Variants in ARHGAP32 observed in about 807,000 individuals in gnomAD.
ARHGAP32 encodes the protein Rho GTPase activating protein 32.
ARHGAP32 carries 51 observed loss-of-function variants against 186.5 expected under a neutral mutation model. That is an observed-to-expected ratio of 0.27 (90% confidence interval 0.22 to 0.35). ARHGAP32 has a LOEUF of 0.35. Ranked by LOEUF, ARHGAP32 falls within the 10% of genes least tolerant of loss-of-function variation. ARHGAP32 has a pLI of 1.00. For missense variants in ARHGAP32, 2,186 were observed against 2,623.5 expected (o/e 0.83, Z 3.64); for synonymous variants, 950 against 964.3 (o/e 0.99, Z 0.27).
upstream of ARHGAP32, among the ~76,000 whole-genome samples, chr11:129,194,168 C>CTG (rs1274741057): frequency 6.6e-6 from 1 of 152,086 alleles, no homozygotes; most frequent in Non-Finnish European, 1.5e-5. Flanking sequence ...CTGGTACAAC[C>CTG]TGTGTTCAGG....
chr11:129,055,640 A>G (rs919257233), intron 10 of ARHGAP32, among the ~76,000 whole-genome samples: 1 of 152,214 alleles, frequency 6.6e-6, no homozygotes, highest in South Asian at 2.1e-4. Context: ...ACACAGAGGA[A>G]CCTTAAATGC....
At chr11:129,224,044 G>A (rs1291896843) in intron 1 of ARHGAP32, among the ~76,000 whole-genome samples, 1 of 152,116 alleles carries the variant, frequency 6.6e-6, no homozygotes, top group African/African-American at 2.4e-5. Context: ...TGGTGATGAC[G>A]AAATAATGAA....
At chr11:129,134,033 A>C (rs1942880500) in intron 2 of ARHGAP32, among the ~76,000 whole-genome samples, 1 of 152,174 alleles carries the variant, frequency 6.6e-6, no homozygotes, top group Non-Finnish European at 1.5e-5. Flanking sequence ...TACTTGAAGT[A>C]TAAAATAATA....
intron 1 of ARHGAP32, among the ~76,000 whole-genome samples, chr11:129,225,340 C>T (rs755327423): frequency 9.9e-5 from 15 of 151,986 alleles, no homozygotes; most frequent in East Asian, 5.8e-4. Flanking sequence ...CAAAGAAGTC[C>T]GGACAAGACT....
upstream of ARHGAP32, among the ~76,000 whole-genome samples, chr11:129,194,674 C>T (rs1322806035): frequency 1.3e-5 from 2 of 151,504 alleles, no homozygotes; most frequent in African/African-American, 2.4e-5. Context: ...CGCTTGAACC[C>T]GGGAGGTGGA....
intron 6 of ARHGAP32, among the ~76,000 whole-genome samples, chr11:129,077,344 G>T (rs1348399803): frequency 6.6e-6 from 1 of 152,194 alleles, no homozygotes; most frequent in Non-Finnish European, 1.5e-5. Context: ...GGTAGATGGG[G>T]AGGGGTGAAG....
intron 6 of ARHGAP32, among the ~76,000 whole-genome samples, chr11:129,075,111 A>C (rs540901859): frequency 6.6e-6 from 1 of 152,198 alleles, no homozygotes; most frequent in Non-Finnish European, 1.5e-5. Context: ...GGAACGAAGA[A>C]CAAGGGCAAT....
chr11:129,071,858 G>A (rs1008278151), intron 6 of ARHGAP32, among the ~76,000 whole-genome samples: 6 of 152,054 alleles, frequency 3.9e-5, no homozygotes, highest in East Asian at 1.9e-4. Context: ...TGTGGTATAC[G>A]TACACAATGG....
At chr11:128,989,924 T>C (rs1591506983) in intron 12 of ARHGAP32, among the ~76,000 whole-genome samples, 1 of 152,152 alleles carries the variant, frequency 6.6e-6, no homozygotes, top group South Asian at 2.1e-4. Context: ...TATTCCATGG[T>C]ATATATGTGC....
intron 1 of ARHGAP32, among the ~76,000 whole-genome samples, chr11:129,247,296 T>C (rs574450727): frequency 2.4e-4 from 36 of 152,338 alleles, no homozygotes; most frequent in African/African-American, 8.2e-4. Context: ...AAGCTGGATA[T>C]GAGGCAAGTT....
intron 2 of ARHGAP32, among the ~76,000 whole-genome samples, chr11:129,154,002 C>T (rs2511820): frequency 1 from 151,706 of 152,144 alleles, 75,636 homozygotes; most frequent in Middle Eastern, 1. Context: ...AGAGCTAATA[C>T]CCAGAATTCA....
intron 10 of ARHGAP32, among the ~76,000 whole-genome samples, chr11:129,053,295 T>C (rs1379985792): frequency 6.6e-6 from 1 of 152,154 alleles, no homozygotes; most frequent in African/African-American, 2.4e-5. Flanking sequence ...TATTTATTTC[T>C]ATGTCCCAAA....
At chr11:128,994,594 C>T (rs997631003) in intron 12 of ARHGAP32, among the ~76,000 whole-genome samples, 11 of 152,118 alleles carry the variant, frequency 7.2e-5, no homozygotes, top group Non-Finnish European at 1.5e-4. Flanking sequence ...GCTAAGATTA[C>T]AGGCATGAGC....
chr11:129,134,136 T>C (rs984753241), intron 2 of ARHGAP32, among the ~76,000 whole-genome samples: 9 of 151,796 alleles, frequency 5.9e-5, no homozygotes, highest in African/African-American at 2.2e-4. Flanking sequence ...ATCCCAAGAC[T>C]GTAGGGGAGA....
chr11:129,177,779 G>A (rs538414756), intron 1 of ARHGAP32, among the ~76,000 whole-genome samples: 29 of 152,246 alleles, frequency 1.9e-4, no homozygotes, highest in South Asian at 1.5e-3. Flanking sequence ...GTATTGATGG[G>A]ACATATCTCA....
chr11:129,142,583 C>T (rs1193295273), intron 2 of ARHGAP32, among the ~76,000 whole-genome samples: 1 of 151,846 alleles, frequency 6.6e-6, no homozygotes, highest in East Asian at 1.9e-4. Flanking sequence ...TAATTAAGAA[C>T]AATAAAACAT....
rs537808170 is a variant in ARHGAP32, at chr11:129,221,479, C to CTGTGTGTG, written c.-4-57060_-4-57053dup. On this transcript the variant is annotated intron_variant, in intron 1 of 6. Coordinates refer to the ARHGAP32 transcript ENST00000525234. The stretch of plus-strand genomic sequence containing the variant: ...GAAACAAGCTTTGTAATTGTCATTA[C>CTGTGTGTG]TGTGTGTGTGTGTGTGTGTGTGTGT... Among the ~76,000 whole-genome samples, 575 of 121,234 alleles carry CTGTGTGTG rather than the reference C, an allele frequency of 4.7e-3. 7 individuals are homozygous for CTGTGTGTG. Among genetic ancestry groups the CTGTGTGTG allele is most frequent in the East Asian group, 9.9e-3 (39 of 3,936 alleles). 79.5% of individuals were successfully genotyped at this position (121,234 alleles called of 152,430 possible).
At chr11:129,095,604 G>A (rs1484368486) in intron 5 of ARHGAP32, among the ~76,000 whole-genome samples, 1 of 152,202 alleles carries the variant, frequency 6.6e-6, no homozygotes, top group African/African-American at 2.4e-5. Flanking sequence ...CAGAGGAAAG[G>A]AGAACTGGAA....
chr11:128,973,816 T>A (rs1158027362), intron 21 of ARHGAP32: 2 of 515,852 alleles, frequency 3.9e-6, no homozygotes, highest in Non-Finnish European at 6.7e-6. Flanking sequence ...ACAATAAAGA[T>A]ATTTTATTAG....
Sources: allele counts gnomAD v4.1 joint callset (sites outside exome capture counted in the v4.1 genomes callset), GRCh38; gene constraint gnomAD v4.1.1; transcripts MANE v1.5; gene names NCBI Gene and HGNC (gene_info 2026-07-23, HGNC 2026-07-21).